The following CRTAM variants were observed in gnomAD, a reference collection of about 807,000 sequenced individuals.
CRTAM encodes cytotoxic and regulatory T cell molecule.
A neutral mutation model predicts 50.0 loss-of-function variants in CRTAM; 44 were observed. The ratio of observed to expected loss-of-function variants is 0.88; its 90% CI spans 0.69 to 1.13. CRTAM has a LOEUF of 1.13. Among genes scored for constraint, CRTAM ranks in the 50% most tolerant of loss-of-function variants. CRTAM has a pLI of 0.00. For missense variants in CRTAM, 448 were observed against 457.5 expected (o/e 0.98, Z 0.19); for synonymous variants, 159 against 169.3 (o/e 0.94, Z 0.47).
intron 1 of CRTAM, among the ~76,000 whole-genome samples, chr11:122,843,188 C>T (rs771282971): frequency 1.3e-5 from 2 of 152,136 alleles, no homozygotes; most frequent in Non-Finnish European, 2.9e-5. Context: ...GAGTAGATCA[C>T]ATGTGCTTTG....
At position 122,853,793 on chromosome 11, in the gene CRTAM, G is replaced by A. The variant is rs1287831593; in HGVS notation, c.347-150G>A. 18 of 622,190 alleles carry A rather than the reference G, an allele frequency of 2.9e-5. No individual in the cohort carries two copies. In the East Asian group the frequency reaches 6.2e-4, roughly 21 times the overall value. 38.5% of individuals were successfully genotyped at this position (622,190 alleles called of 1,614,324 possible). On this transcript the variant is annotated intron_variant, in intron 3 of 9. Transcript: ENST00000227348. ...AAATCGTGCCACTGCACTCCAGCCT[G>A]GGCGACGGAGACTAAGTCTAAAAAA...
intron 1 of CRTAM, among the ~76,000 whole-genome samples, chr11:122,841,677 G>C (rs1170268395): frequency 6.6e-6 from 1 of 151,980 alleles, no homozygotes; most frequent in Non-Finnish European, 1.5e-5. Context: ...TGGGATTACA[G>C]GTGTGAGCCA....
intron 4 of CRTAM, among the ~76,000 whole-genome samples, chr11:122,854,370 A>C (rs1414780396): frequency 6.6e-6 from 1 of 152,210 alleles, no homozygotes; most frequent in Non-Finnish European, 1.5e-5. Flanking sequence ...AATAAGTATA[A>C]TACAGAAGTA....
chr11:122,852,991 G>A (rs532604795), intron 3 of CRTAM, among the ~76,000 whole-genome samples: 17 of 152,122 alleles, frequency 1.1e-4, no homozygotes, highest in African/African-American at 3.9e-4. Flanking sequence ...ACAGGAAGAA[G>A]CAAGCCTAAC....
chr11:122,842,559 G>A (rs759398548), intron 1 of CRTAM, among the ~76,000 whole-genome samples: 6 of 152,126 alleles, frequency 3.9e-5, no homozygotes, highest in Non-Finnish European at 5.9e-5. Context: ...GATTACAGGC[G>A]TTGAGCCACC....
chr11:122,871,433 T>TGCCGCAGTGTC lies in CRTAM; in HGVS notation c.*35_*45dup, dbSNP rs2135260260. 6.3e-7 allele frequency: 1 copy of TGCCGCAGTGTC among 1,591,930 alleles called. No homozygotes were observed. Among genetic ancestry groups the TGCCGCAGTGTC allele is most frequent in the Admixed American group, 1.7e-5 (1 of 58,280 alleles). ...GCAATGGAACATGTGATTTCAGGGT[T>TGCCGCAGTGTC]GCCGCAGTGTCACCTCAGTGGACCA... On this transcript the variant is annotated 3_prime_UTR_variant, in exon 10 of 10. Transcript: ENST00000227348.
intron 1 of CRTAM, among the ~76,000 whole-genome samples, chr11:122,847,361 A>G (rs1214366370): frequency 6.6e-6 from 1 of 152,194 alleles, no homozygotes; most frequent in African/African-American, 2.4e-5. Context: ...CTAGGGGTCT[A>G]TTGACAGATA....
intron 5 of CRTAM, among the ~76,000 whole-genome samples, chr11:122,856,422 A>G (rs1030891595): frequency 1.3e-5 from 2 of 152,228 alleles, no homozygotes; most frequent in African/African-American, 2.4e-5. Context: ...CAGAACCTCT[A>G]TTCTATGATT....
chr11:122,871,321 A>G lies in CRTAM; in HGVS notation c.1104A>G (p.Ala368=). Residue 368 remains alanine, a synonymous_variant, in exon 10 of 10, where the codon GCA becomes GCG. Transcript: ENST00000227348. ...MNYITKLYSE[A]KTKRKENVQH... ...ACATCACAAAGTTGTACTCAGAAGCAAAAACAAAGAGGAAGGAAAATGTAC... is the reference window on the plus strand; with the variant it reads ...ACATCACAAAGTTGTACTCAGAAGCGAAAACAAAGAGGAAGGAAAATGTAC... The G allele has an allele frequency of 1.9e-6, 3 of 1,613,816 alleles. No homozygotes were observed. Among genetic ancestry groups the G allele is most frequent in the African/African-American group, 1.3e-5 (1 of 75,056 alleles).
At chr11:122,844,804 G>T (rs1160475345) in intron 1 of CRTAM, among the ~76,000 whole-genome samples, 1 of 152,172 alleles carries the variant, frequency 6.6e-6, no homozygotes, top group Non-Finnish European at 1.5e-5. Flanking sequence ...TCAAATCTTG[G>T]CTCAAAAGCT....
chr11:122,862,132 T>C (rs1040618792), intron 5 of CRTAM, among the ~76,000 whole-genome samples: 1 of 152,096 alleles, frequency 6.6e-6, no homozygotes, highest in African/African-American at 2.4e-5. Flanking sequence ...AATAGGTAGA[T>C]AGATAGGTGG....
rs117319306 is a variant in CRTAM at position 122,857,157 on chromosome 11, T to G, written c.652+1301T>G. ...TATAGCTCTGTATGACTCAAAATTA[T>G]AGCTAAAGATGTTTTTAATAATAGG... On this transcript the variant is annotated intron_variant, in intron 5 of 9. Transcript: ENST00000227348. Among the ~76,000 whole-genome samples the G allele has an allele frequency of 5.8e-3, 890 of 152,334 alleles. 8 individuals are homozygous for G. Among genetic ancestry groups the G allele is most frequent in the Middle Eastern group, 0.037 (11 of 294 alleles).
At chr11:122,870,479 C>T (rs946170362) in intron 9 of CRTAM, among the ~76,000 whole-genome samples, 5 of 152,164 alleles carry the variant, frequency 3.3e-5, no homozygotes, top group Non-Finnish European at 7.3e-5. Flanking sequence ...CACTTTCTCC[C>T]GAGCTCAAGC....
At chr11:122,840,956 A>G (rs1306623447) in intron 1 of CRTAM, among the ~76,000 whole-genome samples, 2 of 152,232 alleles carry the variant, frequency 1.3e-5, no homozygotes, top group African/African-American at 2.4e-5. Context: ...AAAATGTCAA[A>G]TCCAATGAAT....
intron 9 of CRTAM, among the ~76,000 whole-genome samples, chr11:122,870,056 T>C (rs1330825849): frequency 6.6e-6 from 1 of 152,092 alleles, no homozygotes; most frequent in Non-Finnish European, 1.5e-5. Context: ...TGGAAGCCCT[T>C]CCAGTTCAAC....
At chr11:122,854,180 C>T in intron 4 of CRTAM, 94 bp downstream of exon 4, 1 of 1,196,240 alleles carries the variant, frequency 8.4e-7, no homozygotes, top group Non-Finnish European at 1.2e-6. Flanking sequence ...CAGACAATGC[C>T]AGAAGACATC....
Position 122,872,606 on chromosome 11 carries a change from T to C in CRTAM, c.*1207T>C, listed in dbSNP as rs1862270435. 1 of 152,674 alleles carries C rather than the reference T, an allele frequency of 6.5e-6. No homozygotes were observed. The highest frequency in any genetic ancestry group is 2.4e-5 in the African/African-American group (1 of 41,468). The allele number at this position is 152,674 out of a possible 1,614,324, so 9.5% of individuals were successfully genotyped here. On this transcript the variant is annotated 3_prime_UTR_variant, in exon 10 of 10. Transcript: ENST00000227348. ...TGGCATTTATGTGGAGCATTTCTCA[T>C]TGTTGGAATCTGAATAAACCAATTA... is the stretch of plus-strand genomic sequence containing the variant.
At chr11:122,840,427 G>A (rs1264502848) in intron 1 of CRTAM, among the ~76,000 whole-genome samples, 2 of 152,114 alleles carry the variant, frequency 1.3e-5, no homozygotes, top group African/African-American at 4.8e-5. Flanking sequence ...TAACGTGTGT[G>A]TGTGTGTGTG....
At chr11:122,862,695 C>G (rs1468584136) in intron 6 of CRTAM, 151 bp downstream of exon 6, 1 of 596,928 alleles carries the variant, frequency 1.7e-6, no homozygotes, top group Non-Finnish European at 3.0e-6. Context: ...TTTGTACCAT[C>G]CTAGAGAAGA....
Sources: allele counts gnomAD v4.1 joint callset (sites outside exome capture counted in the v4.1 genomes callset), GRCh38; gene constraint gnomAD v4.1.1; transcripts MANE v1.5; gene names NCBI Gene and HGNC (gene_info 2026-07-23, HGNC 2026-07-21).